Variants in SHROOM2 observed in about 807,000 individuals in gnomAD.
SHROOM2 encodes the protein protein Shroom2.
A neutral mutation model predicts 75.9 loss-of-function variants in SHROOM2; 33 were observed. The observed-to-expected ratio is 0.43, with a 90% CI of 0.33 to 0.58. SHROOM2 has a LOEUF of 0.58. Ranked by LOEUF, SHROOM2 falls within the 20% of genes least tolerant of loss-of-function variation. The pLI is 0.04. For synonymous variants in SHROOM2, 655 were observed against 663.6 expected (o/e 0.99, Z 0.20); for missense variants, 1,434 against 1,461.2 (o/e 0.98, Z 0.30).
chrX:9,934,896 C>G (rs1389967478), intron 6 of SHROOM2, among the ~76,000 whole-genome samples: 4 of 110,833 alleles, frequency 3.6e-5, no homozygotes, highest in Non-Finnish European at 1.9e-5. Flanking sequence ...CCTCAGCCTC[C>G]CGAGTAGCTG....
At chrX:9,793,750 C>CT (rs368389307) in intron 1 of SHROOM2, among the ~76,000 whole-genome samples, 1,963 of 101,102 alleles carry the variant, frequency 0.019, 45 homozygotes, top group African/African-American at 0.056. Context: ...CTCTTCCTTT[C>CT]TTTTTTTTTT....
At chrX:9,819,533 T>G (rs1208419779) in intron 1 of SHROOM2, 1 of 217,144 alleles carries the variant, frequency 4.6e-6, no homozygotes, top group Non-Finnish European at 8.7e-6. Context: ...TTTTTATATC[T>G]TCTGTCTGGA....
intron 1 of SHROOM2, among the ~76,000 whole-genome samples, chrX:9,835,998 C>T (rs953187906): frequency 2.7e-5 from 3 of 112,349 alleles, no homozygotes; most frequent in Non-Finnish European, 3.8e-5. Context: ...TGCTGAGCAG[C>T]TGAGCCTGGA....
intron 1 of SHROOM2, among the ~76,000 whole-genome samples, chrX:9,852,654 G>A (rs753554067): frequency 1.4e-4 from 16 of 112,911 alleles, no homozygotes; most frequent in Non-Finnish European, 3.0e-4. Context: ...GATACCCAGT[G>A]CACCTTATTG....
At chrX:9,887,406 G>A (rs1018303283) in intron 2 of SHROOM2, among the ~76,000 whole-genome samples, 5 of 112,332 alleles carry the variant, frequency 4.5e-5, no homozygotes, top group Admixed American at 9.4e-5. Flanking sequence ...CAGTGCTTTC[G>A]GAGGCTGAGG....
Position 9,786,468 on chromosome X carries a change from G to A in SHROOM2, c.-78G>A. 4.0e-6 allele frequency: 3 copies of A among 756,595 alleles called. No individual in the cohort carries two copies. The highest frequency in any genetic ancestry group is 4.9e-6 in the Non-Finnish European group (3 of 616,076). The allele number at this position is 756,595 out of a possible 1,213,427, so 62.4% of individuals were successfully genotyped here. ...TTACGGCGCAAGTTCTGCGGCGCTCGGAGCCTCCCTTGCGATCCCACGGCC... is the reference window on the plus strand; with the variant it reads ...TTACGGCGCAAGTTCTGCGGCGCTCAGAGCCTCCCTTGCGATCCCACGGCC... On this transcript the variant is annotated 5_prime_UTR_variant, in exon 1 of 10. Transcript: ENST00000380913.
intron 2 of SHROOM2, among the ~76,000 whole-genome samples, chrX:9,875,863 T>C (rs756861255): frequency 8.0e-5 from 9 of 112,509 alleles, no homozygotes; most frequent in Non-Finnish European, 1.7e-4. Flanking sequence ...AGAAGCAAGG[T>C]AGATGTGATT....
intron 5 of SHROOM2, among the ~76,000 whole-genome samples, chrX:9,906,013 C>G (rs191857792): frequency 9.0e-6 from 1 of 111,638 alleles, no homozygotes; most frequent in African/African-American, 3.3e-5. Flanking sequence ...CCGCGAGCAT[C>G]ATGGTTTATG....
At chrX:9,871,750 C>T (rs558647681) in intron 1 of SHROOM2, among the ~76,000 whole-genome samples, 2 of 111,869 alleles carry the variant, frequency 1.8e-5, no homozygotes, top group Middle Eastern at 4.6e-3. Flanking sequence ...AGAATTGAGG[C>T]ATTGTAAGTT....
chrX:9,845,336 C>T (rs1299270251), intron 1 of SHROOM2, among the ~76,000 whole-genome samples: 2 of 111,889 alleles, frequency 1.8e-5, no homozygotes, highest in African/African-American at 3.2e-5. Context: ...CGCTGTGTTG[C>T]TAAAGAATGT....
intron 5 of SHROOM2, 138 bp from the exon 6 acceptor site, chrX:9,932,037 G>A (rs2084652818): frequency 2.0e-6 from 1 of 488,772 alleles, no homozygotes; most frequent in African/African-American, 2.5e-5. Flanking sequence ...AGTTGCGGTG[G>A]CGACAGGTGT....
intron 1 of SHROOM2, among the ~76,000 whole-genome samples, chrX:9,808,154 CT>C (rs2083766409): frequency 1.8e-5 from 2 of 111,569 alleles, no homozygotes; most frequent in African/African-American, 6.5e-5. Context: ...GTACTTCACC[CT>C]CTCAGATTAA....
chrX:9,911,517 C>T (rs1029006318), intron 5 of SHROOM2, among the ~76,000 whole-genome samples: 4 of 110,650 alleles, frequency 3.6e-5, no homozygotes, highest in Non-Finnish European at 7.5e-5. Flanking sequence ...TGGCTAAGCC[C>T]AGGATGTGGG....
intron 2 of SHROOM2, among the ~76,000 whole-genome samples, chrX:9,876,007 T>C (rs2084199215): frequency 8.9e-6 from 1 of 112,192 alleles, no homozygotes; most frequent in South Asian, 3.7e-4. Context: ...GCTGGCTGGT[T>C]TCACTGAGTA....
intron 1 of SHROOM2, among the ~76,000 whole-genome samples, chrX:9,808,526 G>C (rs1487070057): frequency 9.0e-6 from 1 of 110,651 alleles, no homozygotes; most frequent in Non-Finnish European, 1.9e-5. Flanking sequence ...TCCAGCCTAG[G>C]TGACAGAGTG....
At chrX:9,801,605 A>G (rs1161971790) in intron 1 of SHROOM2, among the ~76,000 whole-genome samples, 3 of 112,394 alleles carry the variant, frequency 2.7e-5, no homozygotes, top group Non-Finnish European at 3.7e-5. Context: ...ATAATTTATT[A>G]TGTTGGAATT....
intron 1 of SHROOM2, among the ~76,000 whole-genome samples, chrX:9,867,292 C>T (rs915438793): frequency 9.0e-6 from 1 of 111,277 alleles, no homozygotes; most frequent in Non-Finnish European, 1.9e-5. Flanking sequence ...AGTATTTGCC[C>T]GGGTGTGTGG....
intron 5 of SHROOM2, chrX:9,912,650 C>A (rs41297285): frequency 0.14 from 15,115 of 111,213 alleles, 1,516 homozygotes; most frequent in African/African-American, 0.35. Context: ...CCAGATGGGA[C>A]CGGTTTCAGG....
In SHROOM2 at chrX:9,895,681, C is replaced by G; in HGVS notation, c.1773C>G (p.Thr591=). 1 of 1,179,078 alleles carries G rather than the reference C, an allele frequency of 8.5e-7. No homozygotes were observed. The highest frequency in any genetic ancestry group is 1.9e-5 in the South Asian group (1 of 54,051). ...PQETPLLHSL[T]QEGKRRPESS... is the part of the protein sequence containing the mutation. ...AGACGCCCCTGTTGCACTCCCTGAC[C>G]CAGGAGGGGAAGCGCCGGCCTGAGA... Residue 591 remains threonine (T), a synonymous_variant, in exon 4 of 10, where the codon ACC becomes ACG. Transcript: ENST00000380913.
Sources: gnomAD v4.1 joint callset for allele counts (sites outside exome capture counted in the v4.1 genomes callset) on GRCh38, gnomAD v4.1.1 for gene constraint, MANE v1.5 for transcripts, NCBI Gene and HGNC (gene_info 2026-07-23, HGNC 2026-07-21) for gene names.